Variants in BCR observed in about 807,000 individuals in gnomAD.
BCR encodes BCR activator of RhoGEF and GTPase, also known as breakpoint cluster region protein.
Under a neutral mutation model 138.6 loss-of-function variants are expected in BCR, and 58 were observed. The ratio of observed to expected loss-of-function variants is 0.42; its 90% confidence interval spans 0.34 to 0.52. The LOEUF (loss-of-function observed/expected upper bound fraction) is 0.52, where lower values mean the gene tolerates loss of function less well. BCR is among the 20% of genes least tolerant of loss of function. The pLI is 0.06. For missense variants in BCR, 1,599 were observed against 1,727.2 expected, an observed-to-expected ratio of 0.93 and a Z score of 1.32; for synonymous variants, 786 against 730.1, an observed-to-expected ratio of 1.08 and a Z score of -1.23.
chr22:23,186,191 C>T (rs1049399653), intron 1 of BCR, among the ~76,000 whole-genome samples: 1 of 152,208 alleles, frequency 6.6e-6, no homozygotes, highest in Non-Finnish European at 1.5e-5. Flanking sequence ...AGAGAGTAGC[C>T]GTTTGCCCTA....
At chr22:23,287,646 C>T (rs528101685) in intron 11 of BCR, among the ~76,000 whole-genome samples, 1 of 152,360 alleles carries the variant, frequency 6.6e-6, no homozygotes, top group South Asian at 2.1e-4. Context: ...ACCTGGGCCT[C>T]TCCCTCCTGT....
At chr22:23,257,552 T>C (rs2073308221) in intron 2 of BCR, among the ~76,000 whole-genome samples, 1 of 152,242 alleles carries the variant, frequency 6.6e-6, no homozygotes, top group African/African-American at 2.4e-5. Context: ...TGGGTGGCGC[T>C]GCCCAAGGGA....
Position 23,292,535 on chromosome 22 carries a change from C to G in BCR, c.2783-6C>G. ...TGACCTTCTCCATGTCCACTTCTCC[C>G]CACAGATCTGTACTGCACCCTGGAG... On this transcript the variant is annotated splice_polypyrimidine_tract_variant and splice_region_variant and intron_variant, in intron 14 of 22. Transcript: ENST00000305877. The G allele has an allele frequency of 1.2e-6, 2 of 1,610,074 alleles. No homozygotes were observed. The highest frequency in any genetic ancestry group is 1.7e-6 in the Non-Finnish European group (2 of 1,176,834).
At chr22:23,301,746 C>T (rs2073904310) in intron 16 of BCR, among the ~76,000 whole-genome samples, 1 of 152,200 alleles carries the variant, frequency 6.6e-6, no homozygotes, top group Admixed American at 6.5e-5. Context: ...GAGGGGTCTT[C>T]TTGTTCTTGG....
chr22:23,244,203 C>G (rs1448744963), intron 1 of BCR, among the ~76,000 whole-genome samples: 1 of 152,206 alleles, frequency 6.6e-6, no homozygotes, highest in Non-Finnish European at 1.5e-5. Flanking sequence ...AGAAAACCCA[C>G]ACGTGTGTTG....
At chr22:23,229,691 T>C (rs1185519547) in intron 1 of BCR, among the ~76,000 whole-genome samples, 4 of 152,222 alleles carry the variant, frequency 2.6e-5, no homozygotes, top group African/African-American at 9.6e-5. Flanking sequence ...GGGCTTCTTA[T>C]GAAGATTTAA....
chr22:23,314,113 C>G (rs530620903), intron 21 of BCR, 40 bp downstream of exon 21: 1 of 1,536,134 alleles, frequency 6.5e-7, no homozygotes, highest in Admixed American at 1.7e-5. Flanking sequence ...GCTCCAGGTC[C>G]CCAGGCCGCA....
chr22:23,182,562 T>C (rs1228343542), intron 1 of BCR, among the ~76,000 whole-genome samples: 2 of 152,214 alleles, frequency 1.3e-5, no homozygotes, highest in East Asian at 1.9e-4. Context: ...GGCAGTAACC[T>C]CCTTGCTATG....
rs2074080165 is a variant in BCR, at chr22:23,317,056, C to T, written c.*1534C>T. 1 of 171,194 alleles carries T rather than the reference C, an allele frequency of 5.8e-6. No individual in the cohort carries two copies. The highest frequency in any genetic ancestry group is 3.0e-5 in the African/African-American group (1 of 33,348). 10.6% of individuals were successfully genotyped at this position (171,194 alleles called of 1,614,324 possible). On this transcript the variant is annotated 3_prime_UTR_variant, in exon 23 of 23. Coordinates refer to ENST00000305877, the MANE Select transcript of BCR (RefSeq NM_004327.4). ...AGTGTGTGGGGTCCCTGGATGACAC[C>T]AGCACCCAGTGCGGCTCTGTCTGGC...
At chr22:23,257,641 C>A (rs1010553201) in intron 2 of BCR, among the ~76,000 whole-genome samples, 4 of 152,236 alleles carry the variant, frequency 2.6e-5, no homozygotes, top group Non-Finnish European at 5.9e-5. Context: ...CCTGCAGGGG[C>A]AGCTGGGGTG....
chr22:23,266,808 G>A (rs891072804), intron 4 of BCR, among the ~76,000 whole-genome samples: 1 of 152,232 alleles, frequency 6.6e-6, no homozygotes, highest in African/African-American at 2.4e-5. Context: ...CATCAGATCC[G>A]GAGGCACATT....
intron 1 of BCR, among the ~76,000 whole-genome samples, chr22:23,252,307 C>T (rs1276415147): frequency 6.6e-6 from 1 of 152,128 alleles, no homozygotes; most frequent in Admixed American, 6.5e-5. Flanking sequence ...CCCCAGCCAG[C>T]ATGCTGGCCT....
intron 19 of BCR, 115 bp downstream of exon 19, chr22:23,311,951 A>G (rs2074012687): frequency 6.8e-7 from 1 of 1,471,368 alleles, no homozygotes; most frequent in Non-Finnish European, 9.1e-7. Context: ...TCTTTTCTTC[A>G]TTTACTGTGT....
chr22:23,273,196 A>G (rs2073529971), intron 7 of BCR, 63 bp downstream of exon 7: 4 of 1,537,606 alleles, frequency 2.6e-6, no homozygotes, highest in Admixed American at 1.7e-5. Context: ...CACAGCAACA[A>G]TGTTCTGAGA....
chr22:23,314,069 A>G lies in BCR; in HGVS notation c.3559A>G (p.Lys1187Glu), dbSNP rs1195127922. The change falls in exon 21 of 23, where the codon AAA (lysine) becomes GAA (glutamate). Residue 1187 changes from lysine to glutamate, a missense_variant. Lys to Glu is a moderately conservative substitution (Grantham distance 56, BLOSUM62 1). Coordinates refer to ENST00000305877, the MANE Select transcript of BCR (RefSeq NM_004327.4). ...CTTCCTTTTCCTTCTGGACCACCTG[A>G]AAAGGTAGCCCAGCTCTCCCATGGC... is the stretch of plus-strand genomic sequence containing the variant. Reference protein sequence around the residue: ...LTFLFLLDHLKRVAEKEAVNK... With the variant: ...LTFLFLLDHLERVAEKEAVNK... The G allele has an allele frequency of 1.2e-6, 2 of 1,612,136 alleles. No homozygotes were observed. The highest frequency in any genetic ancestry group is 1.3e-5 in the African/African-American group (1 of 74,990).
intron 5 of BCR, among the ~76,000 whole-genome samples, chr22:23,271,132 G>A (rs1486696277): frequency 2.0e-5 from 3 of 152,256 alleles, no homozygotes; most frequent in Non-Finnish European, 4.4e-5. Flanking sequence ...TCAGCCAGGC[G>A]TGATTTTGTT....
At chr22:23,245,784 G>A (rs1468090182) in intron 1 of BCR, among the ~76,000 whole-genome samples, 2 of 151,566 alleles carry the variant, frequency 1.3e-5, no homozygotes, top group African/African-American at 2.4e-5. Context: ...CCCTGCTTAG[G>A]AGAGGAAAAC....
intron 1 of BCR, among the ~76,000 whole-genome samples, chr22:23,200,924 T>C (rs2072545984): frequency 6.6e-6 from 1 of 152,194 alleles, no homozygotes; most frequent in Admixed American, 6.5e-5. Flanking sequence ...ATGTTTTCAC[T>C]TCACCAGGAC....
At chr22:23,263,327 G>A (rs552481842) in intron 4 of BCR, 10 of 1,190,280 alleles carry the variant, frequency 8.4e-6, no homozygotes, top group East Asian at 2.3e-5. Flanking sequence ...ACTGCGACCT[G>A]CTCCGGCGCC....
Sources: gnomAD v4.1 joint callset for allele counts (sites outside exome capture counted in the v4.1 genomes callset) on GRCh38, gnomAD v4.1.1 for gene constraint, MANE v1.5 for transcripts, NCBI Gene and HGNC (gene_info 2026-07-23, HGNC 2026-07-21) for gene names.